Variants in SPOCK3 observed in about 807,000 individuals in gnomAD.
The protein encoded by SPOCK3 is testican-3.
SPOCK3 carries 30 observed loss-of-function variants against 56.6 expected under a neutral mutation model. The observed-to-expected ratio is 0.53, with a 90% CI of 0.40 to 0.72. The LOEUF (loss-of-function observed/expected upper bound fraction) is 0.72, where lower values mean the gene tolerates loss of function less well. Among genes scored for constraint, SPOCK3 ranks in the 30% least tolerant of loss-of-function variants. The pLI is 0.00. For missense variants in SPOCK3, 527 were observed against 530.0 expected, an observed-to-expected ratio of 0.99 and a Z score of 0.06; for synonymous variants, 196 against 183.3, an observed-to-expected ratio of 1.07 and a Z score of -0.56.
chr4:166,793,131 C>G (rs1741529122), intron 6 of SPOCK3, among the ~76,000 whole-genome samples: 1 of 151,966 alleles, frequency 6.6e-6, no homozygotes, highest in Non-Finnish European at 1.5e-5. Flanking sequence ...TACTGCAGAC[C>G]AATCCCTTGT....
At chr4:166,798,837 A>G (rs893819600) in intron 6 of SPOCK3, among the ~76,000 whole-genome samples, 1 of 152,202 alleles carries the variant, frequency 6.6e-6, no homozygotes, top group Non-Finnish European at 1.5e-5. Flanking sequence ...ATGTGACAGC[A>G]GCAGCTGAGG....
At chr4:166,800,188 A>AAAAAAAAAAAAAAAAAT (rs1560871807) in intron 6 of SPOCK3, among the ~76,000 whole-genome samples, 2 of 128,498 alleles carry the variant, frequency 1.6e-5, no homozygotes, top group African/African-American at 5.2e-5. Flanking sequence ...TCTCAGAAAA[A>AAAAAAAAAAAAAAAAAT]AAAAAAAAAA....
At chr4:166,939,701 T>A (rs2150012895) in intron 4 of SPOCK3, among the ~76,000 whole-genome samples, 1 of 152,340 alleles carries the variant, frequency 6.6e-6, no homozygotes, top group East Asian at 1.9e-4. Context: ...TCTAAATTGA[T>A]CTTATCTAGT....
At position 166,806,242 on chromosome 4, in the gene SPOCK3, C is replaced by T. The variant is rs546906964; in HGVS notation, c.590-13953G>A. Reference sequence around the variant, plus strand: ...ATGTTATTTATTAGTGTCTCAAATACTTCACATGGCTCAAGTCTTTGGCAA... The same window carrying T: ...ATGTTATTTATTAGTGTCTCAAATATTTCACATGGCTCAAGTCTTTGGCAA... On this transcript the variant is annotated intron_variant, in intron 6 of 10. Transcript: ENST00000357545. Among the ~76,000 whole-genome samples the T allele has an allele frequency of 4.4e-4, 67 of 152,116 alleles. No individual in the cohort carries two copies. The South Asian group carries it at 0.013, about 31-fold the overall frequency.
intron 3 of SPOCK3, among the ~76,000 whole-genome samples, chr4:167,031,252 T>C (rs1041207610): frequency 6.6e-6 from 1 of 152,000 alleles, no homozygotes; most frequent in African/African-American, 2.4e-5. Flanking sequence ...GTAAATAGAA[T>C]AACTATATTT....
chr4:166,931,145 C>A (rs529329701), intron 4 of SPOCK3, among the ~76,000 whole-genome samples: 1 of 152,266 alleles, frequency 6.6e-6, no homozygotes, highest in East Asian at 1.9e-4. Flanking sequence ...CCACGCCCAG[C>A]TAATTTTTGC....
At chr4:167,078,042 C>T (rs1366067866) in intron 2 of SPOCK3, among the ~76,000 whole-genome samples, 11 of 151,856 alleles carry the variant, frequency 7.2e-5, no homozygotes, top group East Asian at 1.9e-4. Context: ...GTCATGGTAG[C>T]AACATAATGT....
At position 167,014,765 on chromosome 4, in the gene SPOCK3, TCACACACACA is replaced by T. The variant is rs145127893; in HGVS notation, c.236-14312_236-14303del. ...CTAACACACACATGCATACACACACTCACACACACACACACACCCCTACACAAATGGTCAG... is the reference window on the plus strand; with the variant it reads ...CTAACACACACATGCATACACACACTCACACACCCCTACACAAATGGTCAG... On this transcript the variant is annotated intron_variant, in intron 3 of 10. Coordinates refer to ENST00000357545, the MANE Select transcript of SPOCK3 (RefSeq NM_001040159.2). Among the ~76,000 whole-genome samples the T allele has an allele frequency of 3.3e-5, 5 of 149,566 alleles. No individual in the cohort carries two copies. The South Asian group carries it at 1.1e-3, about 31-fold the overall frequency.
intron 5 of SPOCK3, among the ~76,000 whole-genome samples, chr4:166,908,886 G>A (rs955610676): frequency 6.6e-6 from 1 of 152,010 alleles, no homozygotes; most frequent in African/African-American, 2.4e-5. Flanking sequence ...GTAAAGAAAT[G>A]AAGGCCTTCA....
chr4:167,202,712 C>T (rs1363934471), intron 2 of SPOCK3, among the ~76,000 whole-genome samples: 1 of 151,476 alleles, frequency 6.6e-6, no homozygotes. Flanking sequence ...TCTCTTTATA[C>T]TTTTGATAAA....
intron 8 of SPOCK3, among the ~76,000 whole-genome samples, chr4:166,751,919 G>T (rs1180924526): frequency 6.6e-6 from 1 of 152,080 alleles, no homozygotes; most frequent in African/African-American, 2.4e-5. Context: ...TAATTGTCAT[G>T]ATTTTAGAAA....
chr4:167,055,588 C>T (rs1213209123), intron 3 of SPOCK3, among the ~76,000 whole-genome samples: 1 of 152,186 alleles, frequency 6.6e-6, no homozygotes, highest in Non-Finnish European at 1.5e-5. Context: ...AAAATCGGGT[C>T]ACTCTCACCT....
At chr4:167,126,119 G>T (rs920266987) in intron 2 of SPOCK3, among the ~76,000 whole-genome samples, 11 of 152,164 alleles carry the variant, frequency 7.2e-5, no homozygotes, top group African/African-American at 2.7e-4. Flanking sequence ...AGTGAAAATT[G>T]TTATTGGATT....
At chr4:166,830,166 T>C (rs937237639) in intron 6 of SPOCK3, among the ~76,000 whole-genome samples, 2 of 152,180 alleles carry the variant, frequency 1.3e-5, no homozygotes, top group East Asian at 1.9e-4. Flanking sequence ...ACACTCCCAT[T>C]AAACAAGGTT....
chr4:167,135,068 A>C (rs1763002387), intron 2 of SPOCK3, among the ~76,000 whole-genome samples: 1 of 149,900 alleles, frequency 6.7e-6, no homozygotes, highest in Non-Finnish European at 1.5e-5. Context: ...AAACACATAT[A>C]AATATAAATA....
At chr4:167,019,294 C>T (rs552810799) in intron 3 of SPOCK3, among the ~76,000 whole-genome samples, 58 of 152,080 alleles carry the variant, frequency 3.8e-4, no homozygotes, top group African/African-American at 1.4e-3. Flanking sequence ...AAGAATGTAA[C>T]CTATTCTGTC....
intron 2 of SPOCK3, among the ~76,000 whole-genome samples, chr4:167,100,069 A>C (rs2150323196): frequency 6.6e-6 from 1 of 152,288 alleles, no homozygotes; most frequent in African/African-American, 2.4e-5. Context: ...AGCTTGGATC[A>C]CTAAGACATG....
chr4:167,108,763 A>G (rs917148938), intron 2 of SPOCK3, among the ~76,000 whole-genome samples: 2 of 151,000 alleles, frequency 1.3e-5, no homozygotes, highest in Non-Finnish European at 3.0e-5. Context: ...CAGTAACTGT[A>G]GTCAAAAATA....
Position 166,792,220 on chromosome 4 carries a change from C to T in SPOCK3, c.659G>A (p.Ser220Asn). The stretch of plus-strand genomic sequence containing the variant: ...TTTTGTCTTCTTGTTTTGACTTCCA[C>T]TTTCATGAAGGGCCTTGAACCAGTC... ...LRDWFKALHE[S>N]GSQNKKTKTL... Residue 220 changes from serine (S) to asparagine (N), a missense_variant, in exon 7 of 11, where the codon AGT becomes AAT. Coordinates refer to ENST00000357545, the MANE Select transcript of SPOCK3 (RefSeq NM_001040159.2). 6.2e-7 allele frequency: 1 copy of T among 1,613,952 alleles called. No individual in the cohort carries two copies. Among genetic ancestry groups the T allele is most frequent in the Non-Finnish European group, 8.5e-7 (1 of 1,179,894 alleles).
Sources: gnomAD v4.1 joint callset for allele counts (sites outside exome capture counted in the v4.1 genomes callset) on GRCh38, gnomAD v4.1.1 for gene constraint, MANE v1.5 for transcripts, NCBI Gene and HGNC (gene_info 2026-07-23, HGNC 2026-07-21) for gene names.